PRICKLE1: variants seen among roughly 807,000 people sequenced by gnomAD.
PRICKLE1 encodes the protein prickle-like protein 1.
A neutral mutation model predicts 70.2 loss-of-function variants in PRICKLE1; 14 were observed. That is an observed-to-expected ratio of 0.20 (90% CI 0.13 to 0.31). The LOEUF is 0.31. PRICKLE1 is among the 10% of genes least tolerant of loss of function. PRICKLE1 has a pLI of 1.00. For synonymous variants in PRICKLE1, 357 were observed against 379.9 expected (o/e 0.94, Z 0.70); for missense variants, 821 against 1,026.2 (o/e 0.80, Z 2.73).
intron 1 of PRICKLE1, among the ~76,000 whole-genome samples, chr12:42,502,235 C>CTATA (rs5797801): frequency 0.15 from 22,402 of 149,792 alleles, 2,188 homozygotes; most frequent in African/African-American, 0.26. Context: ...ATACATATAC[C>CTATA]TCTATATATA....
rs530865766 is a variant in PRICKLE1 at position 42,508,603 on chromosome 12, GA to G, written c.-48-36040del. 1.0e-3 allele frequency among the ~76,000 whole-genome samples: 155 copies of G among 152,148 alleles called. 1 individual carries two copies. Among genetic ancestry groups the G allele is most frequent in the African/African-American group, 3.4e-3 (140 of 41,526 alleles). On this transcript the variant is annotated intron_variant, in intron 1 of 7. Coordinates refer to ENST00000345127, the MANE Select transcript of PRICKLE1 (RefSeq NM_153026.3). ...ATAGCTTTATTTCTTAGAGGTAAAA[GA>G]AAAAATACATATATATATGAAAAGA...
intron 1 of PRICKLE1, among the ~76,000 whole-genome samples, chr12:42,508,283 T>C (rs1939453792): frequency 6.6e-6 from 1 of 152,200 alleles, no homozygotes; most frequent in African/African-American, 2.4e-5. Context: ...ATATCGGCAA[T>C]AACCTTAGCA....
chr12:42,514,901 CTATCTATCT>C (rs913923836), intron 1 of PRICKLE1, among the ~76,000 whole-genome samples: 1 of 73,872 alleles, frequency 1.4e-5, no homozygotes, highest in Admixed American at 2.0e-4. Context: ...ATCTATCTAT[CTATCTATCT>C]ATCTATCTAT....
intron 1 of PRICKLE1, chr12:42,483,459 C>T (rs1195079697): frequency 6.6e-6 from 1 of 152,036 alleles, no homozygotes; most frequent in Non-Finnish European, 1.5e-5. Flanking sequence ...TAGCCGCCCG[C>T]CCGCTCTGCG....
chr12:42,580,690 CT>C (rs754489474), intron 1 of PRICKLE1, among the ~76,000 whole-genome samples: 1 of 152,296 alleles, frequency 6.6e-6, no homozygotes, highest in Non-Finnish European at 1.5e-5. Flanking sequence ...GCGCCAGGCA[CT>C]GTGGTAGGCA....
chr12:42,587,937 A>AT (rs1053186976), intron 1 of PRICKLE1, among the ~76,000 whole-genome samples: 56 of 151,502 alleles, frequency 3.7e-4, no homozygotes, highest in Middle Eastern at 3.4e-3. Context: ...CTGTCATGGG[A>AT]TTTTTTTTTG....
At chr12:42,551,449 C>G (rs1689595505) in intron 1 of PRICKLE1, among the ~76,000 whole-genome samples, 1 of 129,642 alleles carries the variant, frequency 7.7e-6, no homozygotes. Flanking sequence ...CCCAGTAATA[C>G]TAACTGCAGT....
chr12:42,545,996 T>C (rs1940205315), intron 1 of PRICKLE1, among the ~76,000 whole-genome samples: 1 of 151,934 alleles, frequency 6.6e-6, no homozygotes, highest in Non-Finnish European at 1.5e-5. Context: ...AGTAATTTCT[T>C]AATCAGCAAT....
intron 1 of PRICKLE1, among the ~76,000 whole-genome samples, chr12:42,557,728 T>C (rs563406502): frequency 6.6e-6 from 1 of 152,348 alleles, no homozygotes; most frequent in East Asian, 1.9e-4. Context: ...GTCATCTTGT[T>C]TTTATAAAAC....
intron 1 of PRICKLE1, among the ~76,000 whole-genome samples, chr12:42,547,825 T>C (rs1940240302): frequency 6.6e-6 from 1 of 152,214 alleles, no homozygotes; most frequent in Admixed American, 6.6e-5. Context: ...AGGTTAAGTA[T>C]CCTTTATCTG....
chr12:42,540,285 A>G (rs1187010713), intron 1 of PRICKLE1, among the ~76,000 whole-genome samples: 1 of 152,200 alleles, frequency 6.6e-6, no homozygotes, highest in Non-Finnish European at 1.5e-5. Context: ...GCAGTGTCAC[A>G]GTTAAGAGTT....
chr12:42,561,316 A>T (rs1940509085), intron 1 of PRICKLE1, among the ~76,000 whole-genome samples: 2 of 152,174 alleles, frequency 1.3e-5, no homozygotes, highest in Non-Finnish European at 2.9e-5. Flanking sequence ...ATTTTTCACT[A>T]ATAGACCTTT....
chr12:42,547,242 C>T (rs1940230954), intron 1 of PRICKLE1, among the ~76,000 whole-genome samples: 2 of 152,166 alleles, frequency 1.3e-5, no homozygotes, highest in Admixed American at 6.5e-5. Flanking sequence ...CTAGCAACTA[C>T]TACTAGGAGG....
At chr12:42,482,401 C>G (rs1319374859) in intron 1 of PRICKLE1, among the ~76,000 whole-genome samples, 1 of 152,168 alleles carries the variant, frequency 6.6e-6, no homozygotes, top group African/African-American at 2.4e-5. Flanking sequence ...TCTAATGAGC[C>G]CATTATTTTC....
In PRICKLE1 at chr12:42,521,700, C is replaced by CA. The variant is rs1234490672; in HGVS notation, c.-48-49137dup. On this transcript the variant is annotated intron_variant, in intron 1 of 7. Transcript: ENST00000345127. ...TGGGTGACAGAGTGAGACCTTGTCT[C>CA]AAAAAAAAAAAGCCATTAACAGTAG... Among the ~76,000 whole-genome samples the CA allele has an allele frequency of 2.2e-3, 298 of 136,848 alleles. 3 individuals carry two copies. Among genetic ancestry groups the CA allele is most frequent in the Middle Eastern group, 3.7e-3 (1 of 268 alleles). 89.8% of individuals were successfully genotyped at this position (136,848 alleles called of 152,430 possible).
chr12:42,490,306 A>AG (rs1456648238), intron 1 of PRICKLE1, among the ~76,000 whole-genome samples: 5 of 152,192 alleles, frequency 3.3e-5, no homozygotes, highest in Non-Finnish European at 7.3e-5. Context: ...GGGACAGGGA[A>AG]GGGGGCCTAG....
Position 42,470,033 on chromosome 12 carries a change from T to C in PRICKLE1, c.246+213A>G, listed in dbSNP as rs1238987881. 3 of 553,538 alleles carry C rather than the reference T, an allele frequency of 5.4e-6. No homozygotes were observed. The East Asian group carries it at 9.6e-5, about 18-fold the overall frequency. 34.3% of individuals were successfully genotyped at this position (553,538 alleles called of 1,614,324 possible). A position where few individuals can be genotyped will look rare whatever the true frequency, so the allele number is the denominator to read the frequency against. On this transcript the variant is annotated intron_variant, in intron 3 of 7. Coordinates refer to ENST00000345127, the MANE Select transcript of PRICKLE1 (RefSeq NM_153026.3). ...CATTGGTGGGTGGCTGCAAACACTA[T>C]AAAAACCAACTTGTGTTAAGTTTAT... is the stretch of plus-strand genomic sequence containing the variant.
At chr12:42,564,481 A>G (rs1592033173) in intron 1 of PRICKLE1, among the ~76,000 whole-genome samples, 1 of 151,662 alleles carries the variant, frequency 6.6e-6, no homozygotes, top group African/African-American at 2.4e-5. Context: ...GGTGGCGGGC[A>G]CCTGTAATCC....
At chr12:42,483,038 C>A (rs1160077389) in intron 1 of PRICKLE1, 1 of 152,654 alleles carries the variant, frequency 6.6e-6, no homozygotes, top group Non-Finnish European at 1.5e-5. Flanking sequence ...AGAGGCCGAG[C>A]TCAGGACGCA....
Sources: allele counts gnomAD v4.1 joint callset (sites outside exome capture counted in the v4.1 genomes callset), GRCh38; gene constraint gnomAD v4.1.1; transcripts MANE v1.5; gene names NCBI Gene and HGNC (gene_info 2026-07-23, HGNC 2026-07-21).